ESRRG: variants seen among roughly 807,000 people sequenced by gnomAD.
The protein encoded by ESRRG is estrogen related receptor gamma.
ESRRG carries 13 observed loss-of-function variants against 44.0 expected under a neutral mutation model. That is an observed-to-expected ratio of 0.30 (90% confidence interval 0.19 to 0.47). The LOEUF is 0.47. Among genes scored for constraint, ESRRG ranks in the 20% least tolerant of loss-of-function variants. The pLI is 1.00. For synonymous variants in ESRRG, 215 were observed against 214.6 expected (o/e 1.00, Z -0.02); for missense variants, 395 against 580.6 (o/e 0.68, Z 3.29).
intron 2 of ESRRG, among the ~76,000 whole-genome samples, chr1:216,778,649 A>G (rs960913813): frequency 1.3e-5 from 2 of 151,908 alleles, no homozygotes; most frequent in African/African-American, 4.8e-5. Context: ...CCAACAGACT[A>G]TAGACACGCA....
intron 2 of ESRRG, among the ~76,000 whole-genome samples, chr1:216,912,816 C>T (rs1021431463): frequency 1.5e-4 from 23 of 151,918 alleles, no homozygotes; most frequent in Non-Finnish European, 1.2e-4. Flanking sequence ...TGGATTCAAC[C>T]AACCATTAAT....
At chr1:216,540,647 T>C (rs546882113) in intron 5 of ESRRG, among the ~76,000 whole-genome samples, 2 of 152,128 alleles carry the variant, frequency 1.3e-5, no homozygotes, top group South Asian at 4.1e-4. Context: ...TAGTGCTACA[T>C]GCTAATTTCT....
intron 1 of ESRRG, among the ~76,000 whole-genome samples, chr1:216,997,180 A>T (rs2076471846): frequency 6.6e-6 from 1 of 152,198 alleles, no homozygotes; most frequent in Non-Finnish European, 1.5e-5. Flanking sequence ...GGGTACTTTA[A>T]ATTCTCTTTG....
chr1:216,966,032 T>C (rs1184691420), intron 1 of ESRRG, among the ~76,000 whole-genome samples: 2 of 152,212 alleles, frequency 1.3e-5, no homozygotes, highest in Non-Finnish European at 2.9e-5. Context: ...ACACTGCTGG[T>C]ATGTGGGCCA....
intron 1 of ESRRG, among the ~76,000 whole-genome samples, chr1:216,998,106 G>A (rs1216715394): frequency 6.6e-6 from 1 of 152,060 alleles, no homozygotes; most frequent in Non-Finnish European, 1.5e-5. Context: ...TCTGGCTAAG[G>A]AGCTAATTTT....
intron 5 of ESRRG, among the ~76,000 whole-genome samples, chr1:216,552,895 C>G (rs1038717177): frequency 2.6e-5 from 4 of 152,138 alleles, no homozygotes; most frequent in Non-Finnish European, 4.4e-5. Context: ...ATAAAGCTCT[C>G]TCTTTTAGAA....
intron 2 of ESRRG, among the ~76,000 whole-genome samples, chr1:216,763,788 G>A (rs1315828470): frequency 6.6e-6 from 1 of 152,054 alleles, no homozygotes; most frequent in Non-Finnish European, 1.5e-5. Context: ...TACGAGCTCT[G>A]GGTAAACTGC....
intron 2 of ESRRG, among the ~76,000 whole-genome samples, chr1:216,664,098 T>A (rs2073252708): frequency 6.6e-6 from 1 of 152,188 alleles, no homozygotes; most frequent in Non-Finnish European, 1.5e-5. Context: ...AATTCCTCAT[T>A]TTTATTTTAA....
chr1:217,137,274 G>A (rs1176796129), intron 1 of ESRRG, among the ~76,000 whole-genome samples: 1 of 152,222 alleles, frequency 6.6e-6, no homozygotes, highest in Non-Finnish European at 1.5e-5. Context: ...CTGCCCACCA[G>A]TTACCTCCTC....
intron 3 of ESRRG, among the ~76,000 whole-genome samples, chr1:216,587,055 A>T (rs1217502068): frequency 2.0e-5 from 3 of 152,198 alleles, no homozygotes; most frequent in African/African-American, 7.2e-5. Flanking sequence ...TATAAATCCT[A>T]TATATATCTG....
intron 1 of ESRRG, among the ~76,000 whole-genome samples, chr1:216,688,923 G>C (rs536196812): frequency 7.9e-5 from 12 of 152,186 alleles, no homozygotes; most frequent in African/African-American, 2.2e-4. Flanking sequence ...AAACCTAGGA[G>C]AAATAGAAAT....
intron 1 of ESRRG, among the ~76,000 whole-genome samples, chr1:216,969,275 A>G (rs1357355753): frequency 6.6e-6 from 1 of 152,206 alleles, no homozygotes; most frequent in African/African-American, 2.4e-5. Flanking sequence ...TGATATTAGT[A>G]ACCCACTTGA....
At chr1:216,753,975 C>T (rs1243837057) in intron 2 of ESRRG, among the ~76,000 whole-genome samples, 1 of 152,030 alleles carries the variant, frequency 6.6e-6, no homozygotes, top group African/African-American at 2.4e-5. Context: ...GCTGTGACTC[C>T]ACTCAGTGTT....
Position 216,784,203 on chromosome 1 carries a change from G to GT in ESRRG, c.-13-106713dup, listed in dbSNP as rs11572617. Among the ~76,000 whole-genome samples, 572 of 151,666 alleles carry GT rather than the reference G, an allele frequency of 3.8e-3. 5 individuals are homozygous for GT. The highest frequency in any genetic ancestry group is 0.013 in the African/African-American group (546 of 41,398). On this transcript the variant is annotated intron_variant, in intron 2 of 7. Transcript: ENST00000359162. ...TTTTTTCCTATATCCAATGCTTAGT[G>GT]TTTTCTCAATATTTTAACATCTTTT...
intron 1 of ESRRG, among the ~76,000 whole-genome samples, chr1:217,044,992 G>C (rs1358446428): frequency 6.6e-6 from 1 of 152,142 alleles, no homozygotes; most frequent in East Asian, 1.9e-4. Flanking sequence ...AAAGAGAAAT[G>C]AGCCCATTGT....
At position 216,646,441 on chromosome 1, in the gene ESRRG, C is replaced by T. The variant is rs571969291; in HGVS notation, c.589+4532G>A. Among the ~76,000 whole-genome samples the T allele has an allele frequency of 3.9e-5, 6 of 152,196 alleles. No homozygotes were observed. The East Asian group carries it at 1.2e-3, about 30-fold the overall frequency. On this transcript the variant is annotated intron_variant, in intron 3 of 6. Transcript: ENST00000408911. ...CAAAAACCTCACAAACTAAGTTCCA[C>T]CTTCAGTCTCATAGTTATAAATAAA...
intron 2 of ESRRG, among the ~76,000 whole-genome samples, chr1:216,766,091 A>T (rs1457539814): frequency 6.6e-6 from 1 of 152,112 alleles, no homozygotes; most frequent in Non-Finnish European, 1.5e-5. Context: ...TCGGGTTTTG[A>T]TCTCTTCATT....
chr1:216,517,524 T>A (rs1032242345), intron 6 of ESRRG, among the ~76,000 whole-genome samples: 1 of 152,166 alleles, frequency 6.6e-6, no homozygotes, highest in Non-Finnish European at 1.5e-5. Flanking sequence ...ATTTGAAACA[T>A]AAAAGATTTA....
In ESRRG at chr1:216,506,465, G is replaced by A. The variant is rs11117604; in HGVS notation, c.*474C>T. Reference sequence around the variant, plus strand: ...GGTCAAGAGGAAAGGAAAGGAAAGGGAAAAGGAAAGGGAAAAAGGAAAGAA... The same window carrying A: ...GGTCAAGAGGAAAGGAAAGGAAAGGAAAAAGGAAAGGGAAAAAGGAAAGAA... On this transcript the variant is annotated 3_prime_UTR_variant, in exon 7 of 7. Coordinates refer to ENST00000408911, the MANE Select transcript of ESRRG (RefSeq NM_001438.4). 13,354 of 340,130 alleles carry A rather than the reference G, an allele frequency of 0.039. 1,464 individuals carry two copies. The highest frequency in any genetic ancestry group is 0.25 in the African/African-American group (11,193 of 45,430). 21.1% of individuals were successfully genotyped at this position (340,130 alleles called of 1,614,324 possible).
Sources: allele counts gnomAD v4.1 joint callset (sites outside exome capture counted in the v4.1 genomes callset), GRCh38; gene constraint gnomAD v4.1.1; transcripts MANE v1.5; gene names NCBI Gene and HGNC (gene_info 2026-07-23, HGNC 2026-07-21).